Variants in SLC8A2 observed in about 807,000 individuals in gnomAD.
SLC8A2 encodes the protein solute carrier family 8 member A2.
In SLC8A2, 14 loss-of-function variants were observed where a neutral mutation model predicts 70.2. The ratio of observed to expected loss-of-function variants is 0.20; its 90% confidence interval spans 0.13 to 0.31. The LOEUF is 0.31. Among genes scored for constraint, SLC8A2 ranks in the 10% least tolerant of loss-of-function variants. The probability of loss-of-function intolerance (pLI) is 1.00; values close to 1 mark genes in which losing one functional copy is unlikely to be tolerated. For missense variants in SLC8A2, 779 were observed against 1,320.1 expected (o/e 0.59, Z 6.35); for synonymous variants, 575 against 594.3 (o/e 0.97, Z 0.47).
rs1458502995 is a variant in SLC8A2, at chr19:47,465,170, C to T, written c.675+559G>A. ...GATGTAGGTATATATCTATGCGAGC[C>T]CATGGATAAATTATGCAAATTGCAC... is the stretch of plus-strand genomic sequence containing the variant. On this transcript the variant is annotated intron_variant, in intron 2 of 9. Coordinates refer to ENST00000236877, the MANE Select transcript of SLC8A2 (RefSeq NM_015063.3). This position sits in a 1 kb window ranked among gnomAD's most constrained non-coding sequence, Gnocchi z 5.5. Among the ~76,000 whole-genome samples, 2 of 151,874 alleles carry T rather than the reference C, an allele frequency of 1.3e-5. No homozygotes were observed. Among genetic ancestry groups the T allele is most frequent in the African/African-American group, 2.4e-5 (1 of 41,318 alleles).
intron 3 of SLC8A2, among the ~76,000 whole-genome samples, chr19:47,455,048 C>G (rs1311069477): frequency 6.6e-6 from 1 of 152,112 alleles, no homozygotes; most frequent in Non-Finnish European, 1.5e-5. Flanking sequence ...GATCGTACCA[C>G]TGTACTCCAG....
At chr19:47,456,857 C>T in intron 3 of SLC8A2, 73 bp downstream of exon 3, 1 of 1,439,024 alleles carries the variant, frequency 6.9e-7, no homozygotes, top group East Asian at 2.4e-5. Context: ...GGCGAAGAGC[C>T]TGGAGGCCGC....
chr19:47,439,010 C>A (rs1466116004), intron 6 of SLC8A2, among the ~76,000 whole-genome samples: 1 of 152,160 alleles, frequency 6.6e-6, no homozygotes, highest in Admixed American at 6.5e-5. Flanking sequence ...TGGGCGTGGC[C>A]ACGGCCTGAG....
intron 1 of SLC8A2, among the ~76,000 whole-genome samples, chr19:47,470,137 G>A (rs1031611407): frequency 4.6e-5 from 7 of 152,296 alleles, no homozygotes; most frequent in Middle Eastern, 6.8e-3. Flanking sequence ...CAGCATGAGC[G>A]CAGGCGCTCC....
At position 47,465,670 on chromosome 19, in the gene SLC8A2, CCT is replaced by C; in HGVS notation, c.675+57_675+58del. The C allele has an allele frequency of 7.1e-7, 1 of 1,406,662 alleles. No individual in the cohort carries two copies. The highest frequency in any genetic ancestry group is 2.2e-5 in the Admixed American group (1 of 45,804). 87.1% of individuals were successfully genotyped at this position (1,406,662 alleles called of 1,614,324 possible). A position where few individuals can be genotyped will look rare whatever the true frequency, so the allele number is the denominator to read the frequency against. On this transcript the variant is annotated intron_variant, in intron 2 of 9. Transcript: ENST00000236877. This position sits in a 1 kb window ranked among gnomAD's most constrained non-coding sequence, Gnocchi z 5.5. ...CAATCAACACTCCAAGCCAAGAGCA[CCT>C]CTCTGGATTTTGCAGACACACATGC...
At position 47,430,723 on chromosome 19, in the gene SLC8A2, G is replaced by A. The variant is rs1360452891; in HGVS notation, c.2390-258C>T. ...CATTCTCTTCTATGGGACTCACTGC[G>A]TGATTTCTTTTTTTTTCCTCCGAGA... On this transcript the variant is annotated intron_variant, in intron 9 of 9. Transcript: ENST00000236877. The surrounding 1 kb of genome is among the most constrained non-coding windows in gnomAD (Gnocchi z 5.9). Among the ~76,000 whole-genome samples, 1 of 152,190 alleles carries A rather than the reference G, an allele frequency of 6.6e-6. No homozygotes were observed. The highest frequency in any genetic ancestry group is 1.5e-5 in the Non-Finnish European group (1 of 68,034).
chr19:47,447,623 GTGGGCATGGGTCACAGGCCCCGCCCACGT>G lies in SLC8A2; in HGVS notation c.1763+157_1763+185del. On this transcript the variant is annotated intron_variant, in intron 4 of 9. Transcript: ENST00000236877. The surrounding 1 kb of genome is among the most constrained non-coding windows in gnomAD (Gnocchi z 5.1). ...TGTTCAGTGAAGCCCCGCCCACGTCGTGGGCATGGGTCACAGGCCCCGCCCACGTTGCGGGCACGGCCACGCAGGCCCCT... is the reference window on the plus strand; with the variant it reads ...TGTTCAGTGAAGCCCCGCCCACGTCGTGCGGGCACGGCCACGCAGGCCCCT... 1.3e-5 allele frequency: 5 copies of G among 399,424 alleles called. No individual in the cohort carries two copies. The highest frequency in any genetic ancestry group is 2.2e-5 in the Non-Finnish European group (5 of 231,730). The allele number at this position is 399,424 out of a possible 1,614,324, so 24.7% of individuals were successfully genotyped here. A position where few individuals can be genotyped will look rare whatever the true frequency, so the allele number is the denominator to read the frequency against.
Position 47,466,428 on chromosome 19 carries a change from G to T in SLC8A2, c.-16-9C>A. ...TGGGGGGTGGTGGGGTCCTATGGGGGAGGAGGAGGAGGTCTGGGTGAGGGA... is the reference window on the plus strand; with the variant it reads ...TGGGGGGTGGTGGGGTCCTATGGGGTAGGAGGAGGAGGTCTGGGTGAGGGA... On this transcript the variant is annotated splice_polypyrimidine_tract_variant and intron_variant, in intron 1 of 9. Transcript: ENST00000236877. The surrounding 1 kb of genome is among the most constrained non-coding windows in gnomAD (Gnocchi z 6.9). 8.3e-6 allele frequency: 8 copies of T among 959,512 alleles called. No individual in the cohort carries two copies. The highest frequency in any genetic ancestry group is 1.7e-5 in the South Asian group (1 of 57,658). 59.4% of individuals were successfully genotyped at this position (959,512 alleles called of 1,614,324 possible).
intron 6 of SLC8A2, among the ~76,000 whole-genome samples, chr19:47,438,907 C>T (rs1568440817): frequency 6.6e-6 from 1 of 152,202 alleles, no homozygotes; most frequent in Non-Finnish European, 1.5e-5. Flanking sequence ...GGAGCTTGAC[C>T]ACACGGCAGA....
intron 9 of SLC8A2, among the ~76,000 whole-genome samples, chr19:47,431,302 C>T (rs1353772602): frequency 6.6e-6 from 1 of 152,130 alleles, no homozygotes; most frequent in African/African-American, 2.4e-5. Flanking sequence ...GCCTTTGCCT[C>T]CCAAAGTGCT....
intron 2 of SLC8A2, among the ~76,000 whole-genome samples, chr19:47,458,610 TTCTC>T (rs1458342388): frequency 1.6e-5 from 2 of 126,668 alleles, no homozygotes; most frequent in African/African-American, 5.9e-5. Flanking sequence ...CTCCCCCCAT[TTCTC>T]TCTCTCCTTC....
Position 47,466,393 on chromosome 19 carries a change from A to G in SLC8A2, c.11T>C (p.Leu4Pro). 7.3e-7 allele frequency: 1 copy of G among 1,376,760 alleles called. No individual in the cohort carries two copies. Among genetic ancestry groups the G allele is most frequent in the Non-Finnish European group, 9.5e-7 (1 of 1,054,516 alleles). The allele number at this position is 1,376,760 out of a possible 1,614,324, so 85.3% of individuals were successfully genotyped here. A position where few individuals can be genotyped will look rare whatever the true frequency, so the allele number is the denominator to read the frequency against. The change falls in exon 2 of 10, where the codon CTG (leucine) becomes CCG (proline). Residue 4 changes from leucine to proline, a missense_variant. Leu to Pro is a moderately conservative substitution (Grantham distance 98). Around this residue, in one of 6 missense-constraint regions of SLC8A2, gnomAD observed 65 missense variants for 61.3 expected, o/e 1.06. Coordinates refer to ENST00000236877, the MANE Select transcript of SLC8A2 (RefSeq NM_015063.3). The surrounding 1 kb of genome is among the most constrained non-coding windows in gnomAD (Gnocchi z 6.9). ...GAGGAGTGTGACCCCCACCAAGGCC[A>G]GGGGAGCCATGGGGGGTGGTGGGGT... MAP[L>P]ALVGVTLLLA...
chr19:47,457,214 G>A lies in SLC8A2; in HGVS notation c.1056C>T (p.Phe352=), dbSNP rs1248105902. 1 of 1,546,318 alleles carries A rather than the reference G, an allele frequency of 6.5e-7. No homozygotes were observed. Among genetic ancestry groups the A allele is most frequent in the Middle Eastern group, 1.8e-4 (1 of 5,548 alleles). ...ALLHQQKSRA[F]YRIQATRLMT... is the part of the protein sequence containing the mutation. ...TCAGCCGCGTGGCCTGGATGCGGTA[G>A]AAGGCGCGGCTCTTCTGCTGGTGCA... The change falls in exon 3 of 10, where the codon TTC becomes TTT. Residue 352 remains phenylalanine (F), a synonymous_variant. Transcript: ENST00000236877.
chr19:47,442,498 A>G (rs535221594), intron 4 of SLC8A2, among the ~76,000 whole-genome samples: 1 of 152,132 alleles, frequency 6.6e-6, no homozygotes, highest in South Asian at 2.1e-4. Context: ...CTCATGCCTC[A>G]GGGCTTTTGC....
intron 6 of SLC8A2, among the ~76,000 whole-genome samples, chr19:47,439,647 C>CTTCCT (rs1967076116): frequency 1.2e-5 from 1 of 85,854 alleles, no homozygotes; most frequent in African/African-American, 8.5e-5. Flanking sequence ...CCTTCCTCCC[C>CTTCCT]TCCCTCCCTC....
intron 3 of SLC8A2, among the ~76,000 whole-genome samples, chr19:47,455,031 G>A (rs996801594): frequency 2.0e-5 from 3 of 152,152 alleles, no homozygotes; most frequent in African/African-American, 2.4e-5. Context: ...AGGTTGCAGT[G>A]AGCCGAGATC....
intron 3 of SLC8A2, among the ~76,000 whole-genome samples, chr19:47,455,111 GGA>G (rs963493977): frequency 2.3e-4 from 35 of 152,092 alleles, no homozygotes; most frequent in African/African-American, 8.4e-4. Context: ...AGAGAGGAGA[GGA>G]GAGAGTAGAG....
chr19:47,440,501 A>G (rs1009791522), intron 6 of SLC8A2, among the ~76,000 whole-genome samples: 2 of 152,120 alleles, frequency 1.3e-5, no homozygotes, highest in African/African-American at 4.8e-5. Flanking sequence ...ATCTTGGCTC[A>G]TTGCAACCTC....
At chr19:47,467,314 G>A (rs1195705116) in intron 1 of SLC8A2, among the ~76,000 whole-genome samples, 1 of 152,210 alleles carries the variant, frequency 6.6e-6, no homozygotes, top group Non-Finnish European at 1.5e-5. Context: ...GCAGGGAGCA[G>A]GAGGCTCTGA....
Sources: gnomAD v4.1 joint callset for allele counts (sites outside exome capture counted in the v4.1 genomes callset) on GRCh38, gnomAD v4.1.1 for gene constraint, gnomAD v4.1.1 regional missense constraint, Gnocchi (gnomAD v3.1) non-coding constraint, MANE v1.5 for transcripts, NCBI Gene and HGNC (gene_info 2026-07-23, HGNC 2026-07-21) for gene names.